FHIT: variants seen among roughly 807,000 people sequenced by gnomAD.
FHIT encodes the protein bis(5'-adenosyl)-triphosphatase.
A neutral mutation model predicts 17.9 loss-of-function variants in FHIT; 19 were observed. That is an observed-to-expected ratio of 1.06 (90% CI 0.74 to 1.56). FHIT has a LOEUF of 1.56. FHIT is among the 40% of genes most tolerant of loss of function. The pLI is 0.00. For missense variants in FHIT, 248 were observed against 189.2 expected, an observed-to-expected ratio of 1.31 and a Z score of -1.82; for synonymous variants, 81 against 69.7, an observed-to-expected ratio of 1.16 and a Z score of -0.81.
intron 5 of FHIT, among the ~76,000 whole-genome samples, chr3:60,120,976 C>A (rs751456304): frequency 7.9e-5 from 12 of 152,080 alleles, no homozygotes; most frequent in Non-Finnish European, 1.5e-4. Context: ...GCTTTCTCCA[C>A]AAAATCATAA....
chr3:60,053,130 G>A (rs942671954), intron 5 of FHIT, among the ~76,000 whole-genome samples: 5 of 151,780 alleles, frequency 3.3e-5, no homozygotes, highest in Non-Finnish European at 5.9e-5. Flanking sequence ...TTTCCATTTA[G>A]AATGTGTTTT....
chr3:60,937,117 A>T (rs1708224830), intron 3 of FHIT, among the ~76,000 whole-genome samples: 3 of 152,198 alleles, frequency 2.0e-5, no homozygotes, highest in Admixed American at 2.0e-4. Context: ...CAGCCCCCAA[A>T]GTGACAAAGG....
At chr3:60,549,649 C>T (rs1457655251) in intron 4 of FHIT, among the ~76,000 whole-genome samples, 1 of 152,052 alleles carries the variant, frequency 6.6e-6, no homozygotes, top group Non-Finnish European at 1.5e-5. Context: ...CTCCAAATTG[C>T]TAATAAAAAT....
intron 2 of FHIT, among the ~76,000 whole-genome samples, chr3:61,066,598 A>G (rs2034619767): frequency 6.6e-6 from 1 of 152,216 alleles, no homozygotes; most frequent in Non-Finnish European, 1.5e-5. Flanking sequence ...CTGGGCAAGA[A>G]GAGCAAAGCT....
intron 4 of FHIT, among the ~76,000 whole-genome samples, chr3:60,811,209 A>C (rs1390990813): frequency 6.6e-6 from 1 of 152,216 alleles, no homozygotes; most frequent in African/African-American, 2.4e-5. Context: ...GACTGTCCTG[A>C]GATTTCTACC....
chr3:59,986,330 T>C (rs1200643396), intron 7 of FHIT, among the ~76,000 whole-genome samples: 2 of 151,296 alleles, frequency 1.3e-5, no homozygotes, highest in East Asian at 2.0e-4. Context: ...AAACACCACA[T>C]GTACAAAGAA....
At chr3:60,568,764 C>G (rs2037233536) in intron 4 of FHIT, among the ~76,000 whole-genome samples, 1 of 152,040 alleles carries the variant, frequency 6.6e-6, no homozygotes, top group Admixed American at 6.6e-5. Context: ...CCTTTCAGCT[C>G]TTAGTCAAGC....
intron 2 of FHIT, among the ~76,000 whole-genome samples, chr3:61,072,688 A>G (rs530560198): frequency 6.6e-6 from 1 of 152,204 alleles, no homozygotes; most frequent in African/African-American, 2.4e-5. Context: ...TTTTATTTAT[A>G]TTTAAAATTT....
At chr3:60,135,258 A>G (rs1371097197) in intron 5 of FHIT, among the ~76,000 whole-genome samples, 4 of 152,154 alleles carry the variant, frequency 2.6e-5, no homozygotes, top group Non-Finnish European at 5.9e-5. Flanking sequence ...CTGAGGTGGT[A>G]CAGCGTCACG....
chr3:60,796,282 G>A (rs149801360), intron 4 of FHIT, among the ~76,000 whole-genome samples: 1 of 151,906 alleles, frequency 6.6e-6, no homozygotes. Context: ...GTTTCTTATG[G>A]ATTTATTTTT....
intron 7 of FHIT, among the ~76,000 whole-genome samples, chr3:59,948,508 T>C (rs943776645): frequency 3.0e-4 from 45 of 151,402 alleles, no homozygotes; most frequent in Admixed American, 5.9e-4. Flanking sequence ...CAGAGCGAGA[T>C]TCTGTCTAAA....
intron 4 of FHIT, among the ~76,000 whole-genome samples, chr3:60,620,986 C>T (rs1208394387): frequency 6.6e-6 from 1 of 151,956 alleles, no homozygotes; most frequent in Admixed American, 6.6e-5. Context: ...TTTCTTAAAA[C>T]CAAATAATAT....
chr3:60,869,585 C>T (rs933638385), intron 3 of FHIT, among the ~76,000 whole-genome samples: 31 of 152,264 alleles, frequency 2.0e-4, no homozygotes, highest in Admixed American at 2.0e-4. Context: ...AGATGGGGCA[C>T]GCTTGGATTC....
chr3:59,882,858 C>T (rs151138980), intron 8 of FHIT, among the ~76,000 whole-genome samples: 204 of 152,280 alleles, frequency 1.3e-3, no homozygotes, highest in Middle Eastern at 0.01. Flanking sequence ...AAGCCTAAAG[C>T]TGATCTACAG....
intron 7 of FHIT, among the ~76,000 whole-genome samples, chr3:59,989,133 G>A (rs544573789): frequency 2.6e-5 from 4 of 152,114 alleles, no homozygotes; most frequent in African/African-American, 9.6e-5. Context: ...GATGAACAGT[G>A]ATTTTATCTG....
intron 3 of FHIT, among the ~76,000 whole-genome samples, chr3:60,849,070 A>T (rs1293462082): frequency 6.6e-6 from 1 of 152,150 alleles, no homozygotes; most frequent in Non-Finnish European, 1.5e-5. Flanking sequence ...CAGACTGAAT[A>T]TTTTTATCAA....
At chr3:60,929,954 T>G (rs1387255814) in intron 3 of FHIT, among the ~76,000 whole-genome samples, 1 of 152,204 alleles carries the variant, frequency 6.6e-6, no homozygotes, top group Non-Finnish European at 1.5e-5. Flanking sequence ...GCTACCTGAC[T>G]TCAAACTATA....
chr3:60,951,131 T>C (rs1222064004), intron 3 of FHIT, among the ~76,000 whole-genome samples: 2 of 152,194 alleles, frequency 1.3e-5, no homozygotes, highest in African/African-American at 2.4e-5. Flanking sequence ...CTGTGGCTTT[T>C]ATATTTTCTA....
At chr3:60,353,263 T>TA (rs755019372) in intron 5 of FHIT, among the ~76,000 whole-genome samples, 5 of 151,990 alleles carry the variant, frequency 3.3e-5, no homozygotes, top group Non-Finnish European at 7.4e-5. Flanking sequence ...CCTAAAACAT[T>TA]AAAAAAAGTG....
Sources: gnomAD v4.1 joint callset for allele counts (sites outside exome capture counted in the v4.1 genomes callset) on GRCh38, gnomAD v4.1.1 for gene constraint, MANE v1.5 for transcripts, NCBI Gene and HGNC (gene_info 2026-07-23, HGNC 2026-07-21) for gene names.